Variants in ZDHHC17 observed in about 807,000 individuals in gnomAD.
The protein encoded by ZDHHC17 is zDHHC palmitoyltransferase 17.
Under a neutral mutation model 90.3 loss-of-function variants are expected in ZDHHC17, and 40 were observed. The observed-to-expected ratio is 0.44, with a 90% confidence interval of 0.34 to 0.58. The LOEUF (loss-of-function observed/expected upper bound fraction) is 0.58. Among genes scored for constraint, ZDHHC17 ranks in the 20% least tolerant of loss-of-function variants. The pLI is 0.01. For synonymous variants in ZDHHC17, 235 were observed against 252.4 expected (o/e 0.93, Z 0.65); for missense variants, 614 against 780.8 (o/e 0.79, Z 2.55).
intron 1 of ZDHHC17, among the ~76,000 whole-genome samples, chr12:76,776,576 C>T (rs1237469759): frequency 6.6e-6 from 1 of 152,112 alleles, no homozygotes; most frequent in East Asian, 1.9e-4. Flanking sequence ...TATTTTAGCA[C>T]ATAACGATCT....
intron 2 of ZDHHC17, 46 bp downstream of exon 2, chr12:76,797,583 G>A (rs1356271379): frequency 7.2e-7 from 1 of 1,382,194 alleles, no homozygotes; most frequent in Non-Finnish European, 1.0e-6. Flanking sequence ...TGTATTTCAA[G>A]TGAAATATGA....
intron 1 of ZDHHC17, among the ~76,000 whole-genome samples, chr12:76,786,095 TTTTC>T (rs1952681621): frequency 6.7e-6 from 1 of 149,488 alleles, no homozygotes; most frequent in Non-Finnish European, 1.5e-5. Context: ...GGGGAATTAG[TTTTC>T]TTTTTCTTTC....
chr12:76,800,682 T>C (rs1952875677), intron 2 of ZDHHC17, among the ~76,000 whole-genome samples: 1 of 152,006 alleles, frequency 6.6e-6, no homozygotes. Context: ...CTCTGGTTAC[T>C]ATTTGCATGG....
chr12:76,825,279 A>G lies in ZDHHC17; in HGVS notation c.898-1629A>G, dbSNP rs980269279. On this transcript the variant is annotated intron_variant, in intron 8 of 16. Coordinates refer to ENST00000426126, the MANE Select transcript of ZDHHC17 (RefSeq NM_015336.4). The stretch of plus-strand genomic sequence containing the variant: ...ATTTATTACAACTGTGTGTGAATCT[A>G]TAATTATTCCAAAATAAGAAGTTTA... Among the ~76,000 whole-genome samples the G allele has an allele frequency of 3.3e-5, 5 of 152,304 alleles. No individual in the cohort carries two copies. In the East Asian group the frequency reaches 5.8e-4, roughly 18 times the overall value.
At chr12:76,807,157 T>G (rs1439027179) in intron 3 of ZDHHC17, among the ~76,000 whole-genome samples, 2 of 152,212 alleles carry the variant, frequency 1.3e-5, no homozygotes, top group East Asian at 3.8e-4. Context: ...TATTAAAAAC[T>G]TGAGTAGCAG....
At chr12:76,787,617 C>CT (rs1952703943) in intron 1 of ZDHHC17, among the ~76,000 whole-genome samples, 1 of 148,964 alleles carries the variant, frequency 6.7e-6, no homozygotes, top group Admixed American at 6.7e-5. Context: ...TCTGTCTCTC[C>CT]CTCTCTCTCT....
intron 2 of ZDHHC17, among the ~76,000 whole-genome samples, chr12:76,799,928 A>T (rs1952866611): frequency 6.6e-6 from 1 of 152,178 alleles, no homozygotes; most frequent in Non-Finnish European, 1.5e-5. Context: ...CTCAAGTCTA[A>T]ACATGTTTGT....
At chr12:76,816,216 C>A (rs74104863) in intron 7 of ZDHHC17, among the ~76,000 whole-genome samples, 197 bp downstream of exon 7, 9 of 151,806 alleles carry the variant, frequency 5.9e-5, no homozygotes, top group African/African-American at 2.2e-4. Context: ...TTTTAAAGAT[C>A]AAGAGATTTA....
In ZDHHC17 at chr12:76,809,455, CATAAT is replaced by C. The variant is rs1464642001; in HGVS notation, c.399-256_399-252del. On this transcript the variant is annotated intron_variant, in intron 4 of 16. Transcript: ENST00000426126. The stretch of plus-strand genomic sequence containing the variant: ...ATGATTGAGATAATATTAGAATGGA[CATAAT>C]AGAATATAGTAATTATTTACTATAT... 3.3e-5 allele frequency among the ~76,000 whole-genome samples: 5 copies of C among 152,012 alleles called. No homozygotes were observed. In the South Asian group the frequency reaches 6.2e-4, roughly 19 times the overall value.
intron 13 of ZDHHC17, chr12:76,846,273 AT>A (rs1953494027): frequency 3.5e-6 from 1 of 287,598 alleles, no homozygotes; most frequent in African/African-American, 2.2e-5. Flanking sequence ...AAACCTTTGG[AT>A]TGTAAAGTTT....
chr12:76,773,783 CTTG>C (rs1417517826), intron 1 of ZDHHC17, among the ~76,000 whole-genome samples: 1 of 152,090 alleles, frequency 6.6e-6, no homozygotes, highest in Non-Finnish European at 1.5e-5. Flanking sequence ...TCAGTTCTTC[CTTG>C]TTACTAAAGG....
intron 10 of ZDHHC17, 106 bp downstream of exon 10, chr12:76,828,596 T>A: frequency 2.3e-6 from 2 of 874,508 alleles, no homozygotes; most frequent in Non-Finnish European, 3.4e-6. Flanking sequence ...CATAATACAT[T>A]AAAATAGTGT....
In ZDHHC17 at chr12:76,815,214, T is replaced by C; in HGVS notation, c.608+4T>C. 1.3e-6 allele frequency: 2 copies of C among 1,547,998 alleles called. No individual in the cohort carries two copies. Among genetic ancestry groups the C allele is most frequent in the Non-Finnish European group, 1.7e-6 (2 of 1,143,624 alleles). On this transcript the variant is annotated splice_donor_region_variant and intron_variant, in intron 6 of 16. Coordinates refer to ENST00000426126, the MANE Select transcript of ZDHHC17 (RefSeq NM_015336.4). Reference sequence around the variant, plus strand: ...GGGCAGCATATAGAACACATAGGTATGTAATGACTATAAAAAACTTATTTA... The same window carrying C: ...GGGCAGCATATAGAACACATAGGTACGTAATGACTATAAAAAACTTATTTA...
chr12:76,774,655 A>T (rs1565758333), intron 1 of ZDHHC17, among the ~76,000 whole-genome samples: 1 of 152,242 alleles, frequency 6.6e-6, no homozygotes, highest in East Asian at 1.9e-4. Context: ...TCCAGCAGTT[A>T]GTAACCATAT....
intron 1 of ZDHHC17, among the ~76,000 whole-genome samples, chr12:76,772,439 A>G (rs1429648890): frequency 6.6e-6 from 1 of 152,058 alleles, no homozygotes; most frequent in Non-Finnish European, 1.5e-5. Context: ...TTGTTATGGT[A>G]GATGAACCTA....
At chr12:76,803,534 A>T (rs992777620) in intron 2 of ZDHHC17, among the ~76,000 whole-genome samples, 4 of 148,820 alleles carry the variant, frequency 2.7e-5, no homozygotes, top group African/African-American at 9.7e-5. Flanking sequence ...CCCTGGGCTG[A>T]TGATGTCTGG....
intron 2 of ZDHHC17, among the ~76,000 whole-genome samples, chr12:76,804,719 G>T (rs1027682484): frequency 6.6e-6 from 1 of 152,248 alleles, no homozygotes; most frequent in Non-Finnish European, 1.5e-5. Flanking sequence ...TACTCGACCA[G>T]TGAGGAGCTG....
intron 5 of ZDHHC17, among the ~76,000 whole-genome samples, chr12:76,812,185 A>G (rs965471166): frequency 6.6e-6 from 1 of 152,164 alleles, no homozygotes; most frequent in African/African-American, 2.4e-5. Flanking sequence ...CACTCTTCCA[A>G]TGTGCATTGC....
At chr12:76,780,024 A>G (rs1017823665) in intron 1 of ZDHHC17, among the ~76,000 whole-genome samples, 1 of 152,136 alleles carries the variant, frequency 6.6e-6, no homozygotes, top group Non-Finnish European at 1.5e-5. Context: ...TCCTCAGCCA[A>G]TACTACACAG....
Sources: gnomAD v4.1 joint callset for allele counts (sites outside exome capture counted in the v4.1 genomes callset) on GRCh38, gnomAD v4.1.1 for gene constraint, MANE v1.5 for transcripts, NCBI Gene and HGNC (gene_info 2026-07-23, HGNC 2026-07-21) for gene names.